ANKMY1: variants seen among roughly 807,000 people sequenced by gnomAD.
ANKMY1 encodes the protein ankyrin repeat and MYND domain-containing protein 1.
ANKMY1 carries 98 observed loss-of-function variants against 102.0 expected under a neutral mutation model. That is an observed-to-expected ratio of 0.96 (90% CI 0.82 to 1.14). The LOEUF is 1.14. Ranked by LOEUF, ANKMY1 falls within the 50% of genes most tolerant of loss-of-function variation. ANKMY1 has a pLI of 0.00. For synonymous variants in ANKMY1, 582 were observed against 559.9 expected (o/e 1.04, Z -0.56); for missense variants, 1,330 against 1,347.6 (o/e 0.99, Z 0.20).
chr2:240,501,441 G>A (rs1023290991), intron 13 of ANKMY1, among the ~76,000 whole-genome samples: 1 of 152,192 alleles, frequency 6.6e-6, no homozygotes, highest in Non-Finnish European at 1.5e-5. Context: ...CACCTGACAT[G>A]GGAGGAGGCA....
chr2:240,491,624 T>C (rs960391211), intron 15 of ANKMY1, among the ~76,000 whole-genome samples: 3 of 152,218 alleles, frequency 2.0e-5, no homozygotes, highest in Admixed American at 6.5e-5. Flanking sequence ...TACCTCACCA[T>C]TTGTTTGTCC....
intron 9 of ANKMY1, among the ~76,000 whole-genome samples, chr2:240,514,704 GAA>G (rs2152260301): frequency 6.6e-6 from 1 of 152,362 alleles, no homozygotes; most frequent in South Asian, 2.1e-4. Context: ...AAAATGCATT[GAA>G]GAGCAAAGAA....
intron 9 of ANKMY1, among the ~76,000 whole-genome samples, chr2:240,515,623 G>A (rs947122289): frequency 6.6e-6 from 1 of 152,166 alleles, no homozygotes; most frequent in Non-Finnish European, 1.5e-5. Context: ...AAATAGACTC[G>A]TTTACAAGGT....
chr2:240,507,735 TC>T, intron 12 of ANKMY1, 44 bp from the exon 13 acceptor site: 1 of 1,548,470 alleles, frequency 6.5e-7, no homozygotes, highest in Non-Finnish European at 8.8e-7. Flanking sequence ...CCATGTCACT[TC>T]CCCTGACAGA....
chr2:240,545,057 G>T (rs998772438), intron 4 of ANKMY1, among the ~76,000 whole-genome samples: 2 of 152,224 alleles, frequency 1.3e-5, no homozygotes, highest in Non-Finnish European at 2.9e-5. Context: ...CTGGGGGCAG[G>T]GCACAGACAC....
intron 4 of ANKMY1, among the ~76,000 whole-genome samples, chr2:240,536,540 A>G (rs1002779678): frequency 1.3e-5 from 2 of 152,242 alleles, no homozygotes; most frequent in African/African-American, 4.8e-5. Flanking sequence ...CTAAAGTAAC[A>G]GTGACAAGAC....
the ANKMY1 span, among the ~76,000 whole-genome samples, chr2:240,469,124 T>G: frequency 1.3e-5 from 2 of 152,180 alleles, no homozygotes; most frequent in Non-Finnish European, 2.9e-5. Context: ...ACGCATTTGG[T>G]CCAGCCGGCA....
At position 240,520,395 on chromosome 2, in the gene ANKMY1, G is replaced by C. The variant is rs770007422; in HGVS notation, c.1971C>G (p.His657Gln). 2.5e-6 allele frequency: 4 copies of C among 1,591,780 alleles called. No homozygotes were observed. The highest frequency in any genetic ancestry group is 3.4e-6 in the Non-Finnish European group (4 of 1,169,210). Residue 657 changes from histidine (H) to glutamine (Q), a missense_variant, in exon 9 of 18, where the codon CAC (histidine) becomes CAG (glutamine). Transcript: ENST00000401804. This position sits in a 1 kb window ranked among gnomAD's most constrained non-coding sequence, Gnocchi z 4.8. ...DVDGVRLLLE[H>Q]GARTDICFPP... ...GAAAGCAGATGTCGGTCCTCGCCCC[G>C]TGCTCCAGCAGCAGCCTCACCCCAT...
rs568914964 is a variant in ANKMY1 at position 240,548,550 on chromosome 2, A to G, written c.480+4364T>C. Among the ~76,000 whole-genome samples the G allele has an allele frequency of 3.5e-3, 528 of 152,096 alleles. 1 individual carries two copies. Among genetic ancestry groups the G allele is most frequent in the African/African-American group, 0.012 (501 of 41,474 alleles). ...AGGAGAAGGAAATAAAGGGTATTCAATTAGGAAAAGAGGAAGCCAAATTGT... is the reference window on the plus strand; with the variant it reads ...AGGAGAAGGAAATAAAGGGTATTCAGTTAGGAAAAGAGGAAGCCAAATTGT... On this transcript the variant is annotated intron_variant, in intron 4 of 17. Transcript: ENST00000401804.
At chr2:240,475,367 AC>A (rs2074785296), downstream of ANKMY1, among the ~76,000 whole-genome samples, 2 of 152,048 alleles carry the variant, frequency 1.3e-5, no homozygotes. Context: ...CTAACAATGA[AC>A]TATCTGAAAA....
intron 4 of ANKMY1, among the ~76,000 whole-genome samples, chr2:240,536,616 A>T (rs896661823): frequency 6.6e-6 from 1 of 152,238 alleles, no homozygotes; most frequent in African/African-American, 2.4e-5. Context: ...TGTCTCTAAA[A>T]ACAAACAAAA....
At chr2:240,538,675 C>T (rs549858706) in intron 4 of ANKMY1, among the ~76,000 whole-genome samples, 3 of 152,260 alleles carry the variant, frequency 2.0e-5, no homozygotes, top group South Asian at 2.1e-4. Flanking sequence ...GAGGCACTGA[C>T]GGGCACCTCC....
chr2:240,554,702 G>A, intron 3 of ANKMY1, 164 bp downstream of exon 3: 1 of 797,706 alleles, frequency 1.3e-6, no homozygotes. Flanking sequence ...TTGGAAGTTG[G>A]GAAAGATGCT....
intron 13 of ANKMY1, among the ~76,000 whole-genome samples, chr2:240,505,706 TG>T (rs139569497): frequency 7.8e-4 from 119 of 152,260 alleles, no homozygotes; most frequent in African/African-American, 2.8e-3. Flanking sequence ...TCAACTTTTC[TG>T]TGAGTCTGAA....
intron 15 of ANKMY1, among the ~76,000 whole-genome samples, chr2:240,492,537 T>A (rs1286017425): frequency 1.3e-5 from 2 of 152,250 alleles, no homozygotes; most frequent in Non-Finnish European, 2.9e-5. Flanking sequence ...TTTCCTTCCA[T>A]GAATTCTTCA....
intron 11 of ANKMY1, among the ~76,000 whole-genome samples, chr2:240,510,419 G>A (rs1559284902): frequency 6.6e-6 from 1 of 151,618 alleles, no homozygotes; most frequent in African/African-American, 2.4e-5. Flanking sequence ...CTGTCAGAAC[G>A]TCCCATTGTG....
In ANKMY1 at chr2:240,525,834, C is replaced by T. The variant is rs1224969284; in HGVS notation, c.1186G>A (p.Asp396Asn). Residue 396 changes from aspartate (D) to asparagine (N), a missense_variant, in exon 7 of 18, where the codon GAC becomes AAC. Physicochemically the swap from Asp to Asn is conservative, Grantham distance 23 (BLOSUM62 1). Transcript: ENST00000401804. Reference sequence around the variant, plus strand: ...CAGTCCAGGAGAAGGTTGACAATGTCGTTGTGGCAGTGAGTCTGGAGGGAG... The same window carrying T: ...CAGTCCAGGAGAAGGTTGACAATGTTGTTGTGGCAGTGAGTCTGGAGGGAG... ...LAAAATHCHN[D>N]IVNLLLDCGA... 1.9e-6 allele frequency: 3 copies of T among 1,613,996 alleles called. No homozygotes were observed. The highest frequency in any genetic ancestry group is 1.7e-6 in the Non-Finnish European group (2 of 1,179,982).
chr2:240,478,492 G>A (rs922589843), downstream of ANKMY1, among the ~76,000 whole-genome samples: 1 of 152,068 alleles, frequency 6.6e-6, no homozygotes, highest in Non-Finnish European at 1.5e-5. Flanking sequence ...TTGGCGGCAG[G>A]GAGCCAGCTC....
In ANKMY1 at chr2:240,479,463, C is replaced by A. The variant is rs566193081; in HGVS notation, c.*146G>T. ...CCGTGGGGCCAATTTATTGCGAGGT[C>A]GCAAGGGAGACACTGCTACAAAGCA... On this transcript the variant is annotated 3_prime_UTR_variant, in exon 18 of 18. Transcript: ENST00000401804. The A allele has an allele frequency of 1.0e-6, 1 of 983,284 alleles. No individual in the cohort carries two copies. The highest frequency in any genetic ancestry group is 1.6e-5 in the African/African-American group (1 of 62,424). The allele number at this position is 983,284 out of a possible 1,614,324, so 60.9% of individuals were successfully genotyped here.
Sources: gnomAD v4.1 joint callset for allele counts (sites outside exome capture counted in the v4.1 genomes callset) on GRCh38, gnomAD v4.1.1 for gene constraint, Gnocchi (gnomAD v3.1) non-coding constraint, MANE v1.5 for transcripts, NCBI Gene and HGNC (gene_info 2026-07-23, HGNC 2026-07-21) for gene names.